The following SYNPR variants were observed in gnomAD, a reference collection of about 807,000 sequenced individuals.
SYNPR encodes the protein synaptoporin.
In SYNPR, 23 loss-of-function variants were observed where a neutral mutation model predicts 32.9. That is an observed-to-expected ratio of 0.70 (90% CI 0.50 to 0.99). The LOEUF is 0.99. SYNPR is among the 50% of genes least tolerant of loss of function. The pLI, the probability that SYNPR is intolerant of heterozygous loss-of-function variation, is 0.00. For synonymous variants in SYNPR, 146 were observed against 135.9 expected, an observed-to-expected ratio of 1.07 and a Z score of -0.52; for missense variants, 318 against 349.3, an observed-to-expected ratio of 0.91 and a Z score of 0.71.
chr3:63,459,075 C>A (rs558231877), intron 2 of SYNPR, among the ~76,000 whole-genome samples: 1 of 151,784 alleles, frequency 6.6e-6, no homozygotes, highest in Non-Finnish European at 1.5e-5. Context: ...TCCAGCACAC[C>A]CCCTCCCAAT....
upstream of SYNPR, among the ~76,000 whole-genome samples, chr3:63,227,916 G>A (rs1026333814): frequency 6.6e-6 from 1 of 152,292 alleles, no homozygotes; most frequent in Non-Finnish European, 1.5e-5. Flanking sequence ...TGTTCCTAAG[G>A]AGGAAGGAAA....
intron 2 of SYNPR, among the ~76,000 whole-genome samples, chr3:63,260,966 T>A (rs1259247315): frequency 6.6e-6 from 1 of 151,430 alleles, no homozygotes; most frequent in African/African-American, 2.4e-5. Flanking sequence ...TATGAAAAAA[T>A]GCTCATCATC....
intron 2 of SYNPR, among the ~76,000 whole-genome samples, chr3:63,324,775 A>G (rs1049478312): frequency 1.3e-5 from 2 of 152,066 alleles, no homozygotes; most frequent in Non-Finnish European, 2.9e-5. Context: ...TAGTATGGAG[A>G]GGACCTGGAG....
chr3:63,277,958 A>G (rs368825373), upstream of SYNPR, among the ~76,000 whole-genome samples: 1 of 152,094 alleles, frequency 6.6e-6, no homozygotes, highest in East Asian at 1.9e-4. Context: ...TTTTATTTTT[A>G]TGTATTTATC....
intron 3 of SYNPR, among the ~76,000 whole-genome samples, chr3:63,552,257 T>G (rs1702516571): frequency 6.6e-6 from 1 of 152,312 alleles, no homozygotes; most frequent in South Asian, 2.1e-4. Flanking sequence ...AATGCCACTT[T>G]TTTTAAATAA....
chr3:63,567,843 T>C (rs1702818673), intron 4 of SYNPR, among the ~76,000 whole-genome samples: 1 of 152,238 alleles, frequency 6.6e-6, no homozygotes, highest in Non-Finnish European at 1.5e-5. Flanking sequence ...ACCACCTGTC[T>C]GAGATCTGCA....
chr3:63,235,555 G>T (rs1280693320), intron 1 of SYNPR, among the ~76,000 whole-genome samples: 1 of 152,106 alleles, frequency 6.6e-6, no homozygotes, highest in African/African-American at 2.4e-5. Flanking sequence ...GTCTTGAGGG[G>T]ACTCCAGGAA....
chr3:63,464,325 G>A (rs1364036192), intron 2 of SYNPR, among the ~76,000 whole-genome samples: 1 of 152,170 alleles, frequency 6.6e-6, no homozygotes, highest in Non-Finnish European at 1.5e-5. Flanking sequence ...GGGTTGCAGA[G>A]ATGAACAAAG....
At position 63,335,278 on chromosome 3, in the gene SYNPR, G is replaced by A. The variant is rs540500413; in HGVS notation, c.84+56536G>A. ...TGAGGCAGGAGAATGGAGTGAACCC[G>A]GGAGGCGGAGCTTGCAGTGAGCCGA... On this transcript the variant is annotated intron_variant, in intron 2 of 5. Coordinates refer to ENST00000478300, the MANE Select transcript of SYNPR (RefSeq NM_001130003.2). Among the ~76,000 whole-genome samples the A allele has an allele frequency of 2.5e-3, 380 of 151,460 alleles. 6 individuals carry two copies. The highest frequency in any genetic ancestry group is 8.8e-3 in the African/African-American group (364 of 41,214).
intron 1 of SYNPR, among the ~76,000 whole-genome samples, chr3:63,241,802 A>G (rs999922507): frequency 7.9e-5 from 12 of 152,022 alleles, no homozygotes; most frequent in African/African-American, 2.9e-4. Context: ...TTTTAAGCCA[A>G]TTTTAGTTGG....
chr3:63,285,073 C>T (rs1438527218), intron 2 of SYNPR, among the ~76,000 whole-genome samples: 1 of 152,202 alleles, frequency 6.6e-6, no homozygotes, highest in Admixed American at 6.5e-5. Flanking sequence ...CATATCTTAT[C>T]CCTGATCCTC....
intron 4 of SYNPR, among the ~76,000 whole-genome samples, chr3:63,587,783 T>A (rs1004030161): frequency 6.6e-6 from 1 of 152,076 alleles, no homozygotes; most frequent in Non-Finnish European, 1.5e-5. Context: ...TTGGATTACC[T>A]CGGAGCAGTG....
chr3:63,528,212 G>A (rs1702050709), intron 3 of SYNPR, among the ~76,000 whole-genome samples: 1 of 152,140 alleles, frequency 6.6e-6, no homozygotes, highest in Non-Finnish European at 1.5e-5. Context: ...ACCAAAATGT[G>A]TTTCACAGAA....
At chr3:63,534,120 A>T (rs1248929261) in intron 3 of SYNPR, among the ~76,000 whole-genome samples, 1 of 152,200 alleles carries the variant, frequency 6.6e-6, no homozygotes, top group Non-Finnish European at 1.5e-5. Context: ...TAGCTTGTCC[A>T]CCATTGATGT....
chr3:63,594,614 AT>A (rs1699899610), intron 4 of SYNPR, among the ~76,000 whole-genome samples: 1 of 152,146 alleles, frequency 6.6e-6, no homozygotes, highest in African/African-American at 2.4e-5. Flanking sequence ...CAACTATAAA[AT>A]GGGATTACAA....
At chr3:63,559,691 C>G (rs1311081660) in intron 4 of SYNPR, among the ~76,000 whole-genome samples, 1 of 140,852 alleles carries the variant, frequency 7.1e-6, no homozygotes, top group African/African-American at 2.7e-5. Flanking sequence ...GAATTTGAAA[C>G]TTTGGGCAAG....
intron 4 of SYNPR, among the ~76,000 whole-genome samples, chr3:63,572,234 C>G (rs1702899650): frequency 6.6e-6 from 1 of 152,152 alleles, no homozygotes; most frequent in Admixed American, 6.6e-5. Flanking sequence ...CCAAAGGCCT[C>G]CATTTTCACC....
intron 2 of SYNPR, among the ~76,000 whole-genome samples, chr3:63,264,963 G>T (rs1192172182): frequency 6.6e-6 from 1 of 151,944 alleles, no homozygotes; most frequent in Non-Finnish European, 1.5e-5. Context: ...ACCTGGTCCC[G>T]CCCTTGACAC....
chr3:63,494,419 G>A lies in SYNPR; in HGVS notation c.209+13463G>A, dbSNP rs796574944. 7.5e-3 allele frequency among the ~76,000 whole-genome samples: 676 copies of A among 90,714 alleles called. 11 individuals are homozygous for A. In the East Asian group the frequency reaches 0.13, roughly 17 times the overall value. 59.5% of individuals were successfully genotyped at this position (90,714 alleles called of 152,430 possible). A position where few individuals can be genotyped will look rare whatever the true frequency, so the allele number is the denominator to read the frequency against. On this transcript the variant is annotated intron_variant, in intron 3 of 5. Transcript: ENST00000478300. ...TATATATATATATATATATATATAC[G>A]TATATATATATATACGTATATATAT...
Sources: gnomAD v4.1 joint callset for allele counts (sites outside exome capture counted in the v4.1 genomes callset) on GRCh38, gnomAD v4.1.1 for gene constraint, MANE v1.5 for transcripts, NCBI Gene and HGNC (gene_info 2026-07-23, HGNC 2026-07-21) for gene names.